PLCG2: variants seen among roughly 807,000 people sequenced by gnomAD.
PLCG2 encodes the protein phospholipase C gamma 2, also known as 1-phosphatidylinositol 4,5-bisphosphate phosphodiesterase gamma-2.
PLCG2 carries 69 observed loss-of-function variants against 175.6 expected under a neutral mutation model. The ratio of observed to expected loss-of-function variants is 0.39; its 90% CI spans 0.32 to 0.48. The LOEUF is 0.48. Ranked by LOEUF, PLCG2 falls within the 20% of genes least tolerant of loss-of-function variation. The probability of loss-of-function intolerance (pLI) is 0.91; values close to 1 mark genes in which losing one functional copy is unlikely to be tolerated. For missense variants in PLCG2, 1,798 were observed against 1,650.9 expected, an observed-to-expected ratio of 1.09 and a Z score of -1.54; for synonymous variants, 827 against 624.0, an observed-to-expected ratio of 1.33 and a Z score of -4.85.
intron 23 of PLCG2, 64 bp downstream of exon 23, chr16:81,927,242 G>C (rs964342577): frequency 2.5e-5 from 28 of 1,114,528 alleles, no homozygotes; most frequent in African/African-American, 3.1e-5. Context: ...TTTTCAGGGA[G>C]CTGTGCCATC....
At chr16:81,827,482 C>T (rs1482708275) in intron 2 of PLCG2, among the ~76,000 whole-genome samples, 2 of 152,006 alleles carry the variant, frequency 1.3e-5, no homozygotes, top group Admixed American at 1.3e-4. Context: ...AGTCACTGTA[C>T]CCGGCCTGCA....
intron 18 of PLCG2, among the ~76,000 whole-genome samples, 184 bp from the exon 19 acceptor site, chr16:81,912,413 T>C (rs1208189177): frequency 1.3e-5 from 2 of 152,252 alleles, no homozygotes; most frequent in African/African-American, 2.4e-5. Context: ...TCTTCCACTA[T>C]TCTTTTCACA....
At chr16:81,906,175 A>C (rs1007075306) in intron 15 of PLCG2, 3 of 152,192 alleles carry the variant, frequency 2.0e-5, no homozygotes, top group Non-Finnish European at 1.5e-5. Flanking sequence ...ATGGTATTTC[A>C]TTGTTGCCAC....
intron 2 of PLCG2, among the ~76,000 whole-genome samples, chr16:81,854,150 C>T (rs895792677): frequency 1.3e-5 from 2 of 152,042 alleles, no homozygotes; most frequent in Non-Finnish European, 2.9e-5. Flanking sequence ...AGTTGCATTA[C>T]AAAAATTAAT....
chr16:81,912,828 C>T, intron 19 of PLCG2, 112 bp downstream of exon 19: 3 of 1,297,688 alleles, frequency 2.3e-6, no homozygotes, highest in Non-Finnish European at 3.1e-6. Flanking sequence ...CCTGCCCCCC[C>T]AGCATCAGCG....
intron 32 of PLCG2, 79 bp from the exon 33 acceptor site, chr16:81,957,877 A>G (rs1911638825): frequency 7.8e-7 from 1 of 1,274,230 alleles, no homozygotes; most frequent in Admixed American, 1.7e-5. Context: ...AAATGTACAG[A>G]AAGAGAAATG....
At chr16:81,751,467 T>G (rs879541392) in intron 1 of PLCG2, among the ~76,000 whole-genome samples, 2 of 152,134 alleles carry the variant, frequency 1.3e-5, no homozygotes, top group African/African-American at 2.4e-5. Flanking sequence ...TTACAGAGGC[T>G]CGAGGACGGG....
intron 2 of PLCG2, among the ~76,000 whole-genome samples, chr16:81,794,677 A>G (rs1021222682): frequency 2.6e-5 from 4 of 152,234 alleles, no homozygotes; most frequent in African/African-American, 4.8e-5. Context: ...ATGACGTGAT[A>G]TATGTAAAAT....
chr16:81,843,327 A>G (rs546645134), intron 2 of PLCG2, among the ~76,000 whole-genome samples: 90 of 152,210 alleles, frequency 5.9e-4, no homozygotes, highest in African/African-American at 2.2e-3. Context: ...ACCCTTTCTC[A>G]CACCTTTACA....
chr16:81,826,580 T>C (rs574212850), intron 2 of PLCG2, among the ~76,000 whole-genome samples: 106 of 152,318 alleles, frequency 7.0e-4, no homozygotes, highest in Middle Eastern at 3.4e-3. Context: ...GTGATAGTGG[T>C]GGTTGTTGGA....
intron 2 of PLCG2, among the ~76,000 whole-genome samples, chr16:81,762,484 G>T (rs1357918148): frequency 6.6e-6 from 1 of 151,806 alleles, no homozygotes; most frequent in Admixed American, 6.6e-5. Flanking sequence ...CATGAGAATC[G>T]CTTGATCCTG....
chr16:81,751,953 C>T (rs1025229550), intron 1 of PLCG2, among the ~76,000 whole-genome samples: 6 of 151,880 alleles, frequency 4.0e-5, no homozygotes, highest in South Asian at 4.1e-4. Flanking sequence ...GCCTGGGAGG[C>T]GGAGGTTGCA....
intron 2 of PLCG2, among the ~76,000 whole-genome samples, chr16:81,819,855 A>T (rs530402970): frequency 6.6e-6 from 1 of 152,332 alleles, no homozygotes; most frequent in South Asian, 2.1e-4. Flanking sequence ...AAGTGCTGGG[A>T]TTACAGCTGT....
intron 26 of PLCG2, 57 bp from the exon 27 acceptor site, chr16:81,936,112 T>G (rs1910699795): frequency 3.1e-6 from 5 of 1,595,912 alleles, no homozygotes; most frequent in Middle Eastern, 1.7e-4. Context: ...CAGCAAACAT[T>G]AAGAAAATGC....
At chr16:81,785,807 C>T (rs1910942734) in intron 1 of PLCG2, 136 bp from the exon 2 acceptor site, 2 of 586,106 alleles carry the variant, frequency 3.4e-6, no homozygotes, top group Non-Finnish European at 6.0e-6. Flanking sequence ...GCCAGCGATG[C>T]CTTGCCACTA....
At chr16:81,836,893 C>T (rs1296662430) in intron 2 of PLCG2, among the ~76,000 whole-genome samples, 1 of 152,202 alleles carries the variant, frequency 6.6e-6, no homozygotes, top group Non-Finnish European at 1.5e-5. Context: ...GCACAGGTGT[C>T]AGGACCCCTG....
intron 2 of PLCG2, among the ~76,000 whole-genome samples, chr16:81,760,669 GGGAGGTCAA>G (rs930334371): frequency 1.1e-4 from 17 of 151,734 alleles, no homozygotes; most frequent in Admixed American, 7.9e-4. Flanking sequence ...CCAACCCTTT[GGGAGGTCAA>G]GGTGGGAGGA....
At chr16:81,775,230 C>T (rs556341412), upstream of PLCG2, among the ~76,000 whole-genome samples, 2 of 152,240 alleles carry the variant, frequency 1.3e-5, no homozygotes, top group South Asian at 2.1e-4. Context: ...TTTTACCTTC[C>T]GATAGGCCCG....
At chr16:81,797,613 TA>T (rs974728749) in intron 2 of PLCG2, among the ~76,000 whole-genome samples, 84 of 152,346 alleles carry the variant, frequency 5.5e-4, no homozygotes, top group African/African-American at 1.9e-3. Context: ...GATACCTGGT[TA>T]ACAGATGAAT....
Sources: gnomAD v4.1 joint callset for allele counts (sites outside exome capture counted in the v4.1 genomes callset) on GRCh38, gnomAD v4.1.1 for gene constraint, MANE v1.5 for transcripts, NCBI Gene and HGNC (gene_info 2026-07-23, HGNC 2026-07-21) for gene names.